Variants in RIMS2 observed in about 807,000 individuals in gnomAD.
RIMS2 encodes regulating synaptic membrane exocytosis protein 2.
In RIMS2, 59 loss-of-function variants were observed where a neutral mutation model predicts 174.4. That is an observed-to-expected ratio of 0.34 (90% CI 0.27 to 0.42). The LOEUF is 0.42. RIMS2 is among the 10% of genes least tolerant of loss of function. RIMS2 has a pLI of 1.00. For synonymous variants in RIMS2, 606 were observed against 572.5 expected, an observed-to-expected ratio of 1.06 and a Z score of -0.84; for missense variants, 1,620 against 1,666.3, an observed-to-expected ratio of 0.97 and a Z score of 0.48.
At chr8:104,212,498 G>A (rs551744261) in intron 19 of RIMS2, among the ~76,000 whole-genome samples, 1 of 152,254 alleles carries the variant, frequency 6.6e-6, no homozygotes, top group East Asian at 1.9e-4. Flanking sequence ...AATAAGATAA[G>A]GACCTGAAAG....
chr8:103,587,409 G>GAAGA (rs201019003), intron 1 of RIMS2, among the ~76,000 whole-genome samples: 8,787 of 116,974 alleles, frequency 0.075, 395 homozygotes, highest in African/African-American at 0.099. Flanking sequence ...GAAGAAAAAA[G>GAAGA]AAGAAAGAAA....
At chr8:103,745,584 A>G (rs1381996543) in intron 2 of RIMS2, among the ~76,000 whole-genome samples, 1 of 152,162 alleles carries the variant, frequency 6.6e-6, no homozygotes, top group Non-Finnish European at 1.5e-5. Flanking sequence ...ATTCCCACCA[A>G]CAATGTACAA....
intron 14 of RIMS2, among the ~76,000 whole-genome samples, chr8:103,954,160 C>G (rs2086350057): frequency 6.6e-6 from 1 of 152,126 alleles, no homozygotes; most frequent in Non-Finnish European, 1.5e-5. Context: ...TAGTGGGAGA[C>G]TTTAACACCC....
intron 19 of RIMS2, among the ~76,000 whole-genome samples, chr8:104,242,104 A>G (rs1483072032): frequency 6.6e-6 from 1 of 152,112 alleles, no homozygotes; most frequent in Non-Finnish European, 1.5e-5. Flanking sequence ...ATGAAATCAT[A>G]AATATTAACT....
At chr8:103,880,459 A>G (rs2099161826) in intron 3 of RIMS2, 4 of 368,160 alleles carry the variant, frequency 1.1e-5, no homozygotes, top group Non-Finnish European at 4.8e-6. Flanking sequence ...AGAGGATTCT[A>G]TGACTCCATC....
At position 103,934,699 on chromosome 8, in the gene RIMS2, C is replaced by CTT. The variant is rs398068108; in HGVS notation, c.2376-1838_2376-1837dup. Among the ~76,000 whole-genome samples, 746 of 139,990 alleles carry CTT rather than the reference C, an allele frequency of 5.3e-3. 3 individuals are homozygous for CTT. Among genetic ancestry groups the CTT allele is most frequent in the Non-Finnish European group, 7.3e-3 (466 of 64,186 alleles). The allele number at this position is 139,990 out of a possible 152,430, so 91.8% of individuals were successfully genotyped here. Reference sequence around the variant, plus strand: ...CTTTCAGATTTTGATATAAACCATTCTTTTTTTTTTTTTTTGAGACAGAGT... The same window carrying CTT: ...CTTTCAGATTTTGATATAAACCATTCTTTTTTTTTTTTTTTTTGAGACAGAGT... On this transcript the variant is annotated intron_variant, in intron 12 of 23. Coordinates refer to ENST00000504942, the Ensembl canonical transcript of RIMS2.
At chr8:103,985,132 G>A (rs1469983920) in intron 16 of RIMS2, among the ~76,000 whole-genome samples, 1 of 152,076 alleles carries the variant, frequency 6.6e-6, no homozygotes, top group Non-Finnish European at 1.5e-5. Flanking sequence ...TAGCACAACA[G>A]GGTGACTATA....
chr8:103,570,245 G>C (rs1351140480), intron 1 of RIMS2, among the ~76,000 whole-genome samples: 2 of 152,072 alleles, frequency 1.3e-5, no homozygotes, highest in Non-Finnish European at 2.9e-5. Context: ...CTCTTAGATT[G>C]ATTTTCAGTA....
chr8:103,908,751 G>T (rs1336176112), intron 4 of RIMS2, among the ~76,000 whole-genome samples: 1 of 151,938 alleles, frequency 6.6e-6, no homozygotes, highest in East Asian at 1.9e-4. Flanking sequence ...CTTTCCCAAG[G>T]GTTATTGTAA....
At chr8:103,549,141 G>A (rs1846440528) in intron 1 of RIMS2, among the ~76,000 whole-genome samples, 1 of 151,968 alleles carries the variant, frequency 6.6e-6, no homozygotes, top group African/African-American at 2.4e-5. Flanking sequence ...TACTCCTCGA[G>A]AAGAGCAACT....
chr8:103,890,468 A>G (rs1430499348), intron 4 of RIMS2, among the ~76,000 whole-genome samples: 5 of 152,068 alleles, frequency 3.3e-5, no homozygotes, highest in Admixed American at 6.6e-5. Flanking sequence ...TAAAATAACT[A>G]GCAATATAAG....
intron 3 of RIMS2, among the ~76,000 whole-genome samples, chr8:103,845,837 T>C (rs920361523): frequency 2.0e-5 from 3 of 152,136 alleles, no homozygotes; most frequent in African/African-American, 7.2e-5. Flanking sequence ...CCAGTGCTTT[T>C]TATTTATTCT....
chr8:104,139,002 G>A (rs1255048390), intron 19 of RIMS2, among the ~76,000 whole-genome samples: 1 of 152,092 alleles, frequency 6.6e-6, no homozygotes, highest in African/African-American at 2.4e-5. Context: ...TTGTTTTCCA[G>A]CACCATTTAT....
At chr8:103,594,316 G>C (rs941035085) in intron 1 of RIMS2, among the ~76,000 whole-genome samples, 1 of 151,520 alleles carries the variant, frequency 6.6e-6, no homozygotes, top group African/African-American at 2.4e-5. Context: ...GTGTAATCTA[G>C]CATTCTCAAG....
chr8:104,013,683 C>T, intron 18 of RIMS2, 62 bp downstream of exon 20: 1 of 1,383,836 alleles, frequency 7.2e-7, no homozygotes, highest in Non-Finnish European at 1.0e-6. Context: ...ATTTTATTTT[C>T]CCAACAGTTA....
At chr8:103,758,125 A>G (rs1185914184) in intron 2 of RIMS2, among the ~76,000 whole-genome samples, 1 of 152,152 alleles carries the variant, frequency 6.6e-6, no homozygotes, top group Non-Finnish European at 1.5e-5. Flanking sequence ...AGCTATCTAG[A>G]GTTAGATAGA....
chr8:104,225,686 G>A (rs1038696434), intron 19 of RIMS2, among the ~76,000 whole-genome samples: 1 of 151,764 alleles, frequency 6.6e-6, no homozygotes, highest in South Asian at 2.1e-4. Context: ...AATCCCAAAG[G>A]AAATTCCTAC....
chr8:103,985,966 A>T (rs1195329190), intron 16 of RIMS2, among the ~76,000 whole-genome samples: 1 of 152,182 alleles, frequency 6.6e-6, no homozygotes, highest in African/African-American at 2.4e-5. Context: ...AAGATTGGGG[A>T]GATATAGGTC....
intron 3 of RIMS2, among the ~76,000 whole-genome samples, chr8:103,820,914 T>G: frequency 6.6e-6 from 1 of 151,494 alleles, no homozygotes; most frequent in African/African-American, 2.4e-5. Context: ...AATATATATT[T>G]TATGTTATAT....
Sources: allele counts gnomAD v4.1 joint callset (sites outside exome capture counted in the v4.1 genomes callset), GRCh38; gene constraint gnomAD v4.1.1; transcripts MANE v1.5; gene names NCBI Gene and HGNC (gene_info 2026-07-23, HGNC 2026-07-21).